CNTN5: variants seen among roughly 807,000 people sequenced by gnomAD.
CNTN5 encodes contactin-5.
Under a neutral mutation model 129.1 loss-of-function variants are expected in CNTN5, and 77 were observed. The ratio of observed to expected loss-of-function variants is 0.60; its 90% CI spans 0.50 to 0.72. The LOEUF is 0.72. Ranked by LOEUF, CNTN5 falls within the 30% of genes least tolerant of loss-of-function variation. The pLI is 0.00. For missense variants in CNTN5, 1,478 were observed against 1,328.8 expected, an observed-to-expected ratio of 1.11 and a Z score of -1.75; for synonymous variants, 509 against 465.6, an observed-to-expected ratio of 1.09 and a Z score of -1.20.
intron 13 of CNTN5, among the ~76,000 whole-genome samples, chr11:100,094,035 T>C (rs1944895410): frequency 1.3e-5 from 2 of 152,114 alleles, no homozygotes; most frequent in Admixed American, 1.3e-4. Flanking sequence ...CAGACATATT[T>C]AGGCTTTATT....
chr11:99,276,644 C>A (rs1863448363), intron 1 of CNTN5, among the ~76,000 whole-genome samples: 1 of 151,332 alleles, frequency 6.6e-6, no homozygotes, highest in Admixed American at 6.6e-5. Flanking sequence ...TAAATAATAT[C>A]TATTAGTGTA....
At chr11:100,113,777 T>C (rs1186870573) in intron 13 of CNTN5, among the ~76,000 whole-genome samples, 1 of 152,140 alleles carries the variant, frequency 6.6e-6, no homozygotes, top group Admixed American at 6.6e-5. Context: ...CAAATTACTT[T>C]ACCTTCTTGG....
chr11:99,905,703 A>G (rs1320084362), intron 6 of CNTN5, among the ~76,000 whole-genome samples: 1 of 152,118 alleles, frequency 6.6e-6, no homozygotes, highest in Admixed American at 6.6e-5. Context: ...TGATGGGGAT[A>G]TCATTGAATC....
rs80055796 is a variant in CNTN5 at position 99,043,927 on chromosome 11, G to A, written c.-210+22657G>A. On this transcript the variant is annotated intron_variant, in intron 1 of 24. Transcript: ENST00000524871. Reference sequence around the variant, plus strand: ...TCCGTGGATGTTCGATGTTAAATGAGACAGTGTGAGAGAATTATGTTAATA... The same window carrying A: ...TCCGTGGATGTTCGATGTTAAATGAAACAGTGTGAGAGAATTATGTTAATA... Among the ~76,000 whole-genome samples, 488 of 152,270 alleles carry A rather than the reference G, an allele frequency of 3.2e-3. 3 individuals are homozygous for A. The highest frequency in any genetic ancestry group is 0.011 in the African/African-American group (469 of 41,564).
intron 1 of CNTN5, among the ~76,000 whole-genome samples, chr11:99,030,448 A>G (rs1863315533): frequency 6.6e-6 from 1 of 151,996 alleles, no homozygotes; most frequent in Admixed American, 6.6e-5. Context: ...TATTTTAATG[A>G]CCTTATTTTA....
At chr11:99,320,456 A>G (rs1323071074) in intron 1 of CNTN5, among the ~76,000 whole-genome samples, 1 of 152,140 alleles carries the variant, frequency 6.6e-6, no homozygotes, top group East Asian at 1.9e-4. Flanking sequence ...GGGAAAAAAG[A>G]GACATAAATT....
chr11:99,703,897 A>G (rs144386084), intron 3 of CNTN5, among the ~76,000 whole-genome samples: 229 of 151,202 alleles, frequency 1.5e-3, no homozygotes, highest in African/African-American at 5.1e-3. Context: ...AAAATGTATG[A>G]TATATAAGAA....
At chr11:100,206,783 A>T (rs1447105508) in intron 15 of CNTN5, among the ~76,000 whole-genome samples, 1 of 152,020 alleles carries the variant, frequency 6.6e-6, no homozygotes, top group African/African-American at 2.4e-5. Flanking sequence ...TAAACAATAA[A>T]TTTTTTTAGG....
intron 3 of CNTN5, among the ~76,000 whole-genome samples, chr11:99,796,283 G>A (rs1945936003): frequency 6.6e-6 from 1 of 152,112 alleles, no homozygotes; most frequent in Non-Finnish European, 1.5e-5. Flanking sequence ...GTCAGGGAGT[G>A]GCAGGGTGTG....
intron 7 of CNTN5, among the ~76,000 whole-genome samples, chr11:99,950,575 G>A (rs1331855369): frequency 4.6e-5 from 7 of 152,172 alleles, no homozygotes; most frequent in East Asian, 3.9e-4. Flanking sequence ...CAGGATCTTC[G>A]TCTCTGGTTG....
At chr11:99,339,047 C>T (rs2136049501) in intron 2 of CNTN5, among the ~76,000 whole-genome samples, 1 of 145,396 alleles carries the variant, frequency 6.9e-6, no homozygotes, top group East Asian at 2.0e-4. Flanking sequence ...TTTATTAGTC[C>T]TTATCCCTAT....
intron 3 of CNTN5, among the ~76,000 whole-genome samples, chr11:99,750,181 A>G (rs118012904): frequency 6.6e-6 from 1 of 152,300 alleles, no homozygotes; most frequent in Non-Finnish European, 1.5e-5. Context: ...TCTCCATATT[A>G]TGTGTAAATC....
rs1310557600 is a variant in CNTN5, at chr11:99,195,827, T to A, written c.-209-129519T>A. Among the ~76,000 whole-genome samples the A allele has an allele frequency of 3.9e-5, 6 of 152,052 alleles. No homozygotes were observed. In the South Asian group the frequency reaches 1.2e-3, roughly 32 times the overall value. On this transcript the variant is annotated intron_variant, in intron 1 of 24. Transcript: ENST00000524871. Reference sequence around the variant, plus strand: ...TAGAAGATATGTTAGTAAGTATGTCTATTTTTAAAACTAATTAAGTTTTAC... The same window carrying A: ...TAGAAGATATGTTAGTAAGTATGTCAATTTTTAAAACTAATTAAGTTTTAC...
chr11:99,062,511 T>C (rs1056110933), intron 1 of CNTN5, among the ~76,000 whole-genome samples: 2 of 152,030 alleles, frequency 1.3e-5, no homozygotes, highest in South Asian at 4.1e-4. Context: ...ACTCTCTACA[T>C]ATAGGTCACA....
At chr11:100,338,148 T>A (rs1205561519) in intron 21 of CNTN5, among the ~76,000 whole-genome samples, 1 of 152,236 alleles carries the variant, frequency 6.6e-6, no homozygotes, top group Non-Finnish European at 1.5e-5. Context: ...CCTCACTTCA[T>A]AAAGGTGTAG....
At chr11:99,886,252 G>A (rs1009875645) in intron 6 of CNTN5, among the ~76,000 whole-genome samples, 1 of 152,022 alleles carries the variant, frequency 6.6e-6, no homozygotes, top group African/African-American at 2.4e-5. Flanking sequence ...GCATAAAAAT[G>A]TACATACTAA....
At chr11:99,993,691 C>T (rs991982670) in intron 8 of CNTN5, among the ~76,000 whole-genome samples, 1 of 152,078 alleles carries the variant, frequency 6.6e-6, no homozygotes, top group African/African-American at 2.4e-5. Context: ...TGCTGTGCAG[C>T]CTGGTTCCTA....
intron 3 of CNTN5, among the ~76,000 whole-genome samples, chr11:99,763,393 T>C (rs1944652302): frequency 6.6e-6 from 1 of 152,144 alleles, no homozygotes; most frequent in South Asian, 2.1e-4. Context: ...TTCTAACTCA[T>C]GTAAGCTGTA....
intron 13 of CNTN5, among the ~76,000 whole-genome samples, chr11:100,188,910 G>A (rs374039073): frequency 7.2e-5 from 11 of 152,210 alleles, no homozygotes; most frequent in African/African-American, 1.9e-4. Flanking sequence ...AAAAATGAAC[G>A]AGATCTTGTC....
Sources: gnomAD v4.1 joint callset for allele counts (sites outside exome capture counted in the v4.1 genomes callset) on GRCh38, gnomAD v4.1.1 for gene constraint, MANE v1.5 for transcripts, NCBI Gene and HGNC (gene_info 2026-07-23, HGNC 2026-07-21) for gene names.